IPO11: variants seen among roughly 807,000 people sequenced by gnomAD.
IPO11 encodes the protein importin 11.
A neutral mutation model predicts 143.2 loss-of-function variants in IPO11; 66 were observed. The observed-to-expected ratio is 0.46, with a 90% CI of 0.38 to 0.57. The LOEUF is 0.57. Ranked by LOEUF, IPO11 falls within the 20% of genes least tolerant of loss-of-function variation. The probability of loss-of-function intolerance (pLI) is 0.00; values close to 1 mark genes in which losing one functional copy is unlikely to be tolerated. For missense variants in IPO11, 1,026 were observed against 1,141.0 expected (o/e 0.90, Z 1.45); for synonymous variants, 385 against 377.8 (o/e 1.02, Z -0.22).
chr5:62,437,563 A>C (rs1744285760), intron 2 of IPO11, 146 bp downstream of exon 2: 1 of 606,522 alleles, frequency 1.6e-6, no homozygotes, highest in Non-Finnish European at 2.8e-6. Flanking sequence ...TTATTACTTT[A>C]TGACTTCTTA....
intron 1 of IPO11, among the ~76,000 whole-genome samples, chr5:62,430,680 A>AT (rs112091773): frequency 0.027 from 3,758 of 140,760 alleles, 87 homozygotes; most frequent in Middle Eastern, 0.098. Flanking sequence ...TAATTACTTA[A>AT]TTTTTTTTTT....
chr5:62,510,132 C>G (rs1020484092), intron 19 of IPO11, among the ~76,000 whole-genome samples: 1 of 152,126 alleles, frequency 6.6e-6, no homozygotes, highest in East Asian at 1.9e-4. Flanking sequence ...TGGTTTTTGA[C>G]TTGCATTTCC....
chr5:62,532,730 T>C (rs1742600902), intron 22 of IPO11, among the ~76,000 whole-genome samples: 1 of 152,220 alleles, frequency 6.6e-6, no homozygotes, highest in South Asian at 2.1e-4. Context: ...AGGACTTTTA[T>C]GTGTTTGGAA....
At chr5:62,460,626 T>G (rs1283230659) in intron 5 of IPO11, among the ~76,000 whole-genome samples, 1 of 152,202 alleles carries the variant, frequency 6.6e-6, no homozygotes, top group African/African-American at 2.4e-5. Flanking sequence ...CTTTTGATAC[T>G]TTGGAGTCAA....
chr5:62,425,930 A>G (rs1219734757), intron 1 of IPO11, among the ~76,000 whole-genome samples: 2 of 152,234 alleles, frequency 1.3e-5, no homozygotes, highest in East Asian at 3.8e-4. Context: ...TAGTAAGAAC[A>G]TTAAGTACCT....
chr5:62,413,020 GC>G (rs1743171592), intron 1 of IPO11, 91 bp downstream of exon 1: 1 of 152,500 alleles, frequency 6.6e-6, no homozygotes, highest in South Asian at 2.1e-4. Context: ...GGAAAGTGGG[GC>G]TACCAGGAGA....
chr5:62,556,088 A>C (rs1743566850), intron 26 of IPO11, among the ~76,000 whole-genome samples: 1 of 152,162 alleles, frequency 6.6e-6, no homozygotes, highest in Admixed American at 6.5e-5. Context: ...TAACATTGAT[A>C]TTTTTCTTTG....
Position 62,627,556 on chromosome 5 carries a change from A to G in IPO11, c.*238A>G. 2.8e-6 allele frequency: 1 copy of G among 357,784 alleles called. No individual in the cohort carries two copies. The highest frequency in any genetic ancestry group is 4.5e-5 in the East Asian group (1 of 22,276). The allele number at this position is 357,784 out of a possible 1,614,324, so 22.2% of individuals were successfully genotyped here. On this transcript the variant is annotated 3_prime_UTR_variant, in exon 30 of 30. Transcript: ENST00000325324. ...ATGAGGGGGCCCTTCACTAAAAAGT[A>G]CATGTAAAAGTACATTTGATGACAA...
At chr5:62,605,161 C>T (rs1235577813) in intron 29 of IPO11, among the ~76,000 whole-genome samples, 1 of 152,148 alleles carries the variant, frequency 6.6e-6, no homozygotes, top group East Asian at 1.9e-4. Flanking sequence ...GTTCCAAGGT[C>T]ACATAAATGA....
intron 16 of IPO11, among the ~76,000 whole-genome samples, chr5:62,499,569 C>CGTTTTTTTTTTTTTTTTTTTT (rs773008330): frequency 1.0e-5 from 1 of 100,104 alleles, no homozygotes; most frequent in African/African-American, 3.8e-5. Context: ...CTTACTCTAA[C>CGTTTTTTTTTTTTTTTTTTTT]TTTTTTTTTT....
chr5:62,513,618 C>T (rs554460525), intron 19 of IPO11, among the ~76,000 whole-genome samples: 56 of 146,018 alleles, frequency 3.8e-4, no homozygotes, highest in African/African-American at 1.4e-3. Flanking sequence ...GGACTCCTCA[C>T]TTCCCAGTAG....
chr5:62,576,507 T>C (rs1367828269), intron 27 of IPO11, among the ~76,000 whole-genome samples: 1 of 152,188 alleles, frequency 6.6e-6, no homozygotes, highest in South Asian at 2.1e-4. Context: ...TAAATACATA[T>C]AGGCTGGACG....
At chr5:62,492,216 T>C (rs1746639779) in intron 15 of IPO11, among the ~76,000 whole-genome samples, 1 of 152,216 alleles carries the variant, frequency 6.6e-6, no homozygotes, top group African/African-American at 2.4e-5. Flanking sequence ...CTGAGTTTCA[T>C]ATTCTTTATC....
chr5:62,569,371 T>C (rs779181568), intron 27 of IPO11, among the ~76,000 whole-genome samples: 2 of 152,220 alleles, frequency 1.3e-5, no homozygotes, highest in Non-Finnish European at 2.9e-5. Flanking sequence ...TTAGCTCTTG[T>C]GAAGGTATTT....
rs1382184055 is a variant in IPO11 at position 62,485,790 on chromosome 5, C to T, written c.1218+328C>T. Among the ~76,000 whole-genome samples the T allele has an allele frequency of 2.0e-5, 3 of 150,912 alleles. No individual in the cohort carries two copies. In the East Asian group the frequency reaches 5.9e-4, roughly 29 times the overall value. ...GTTTGAGCCCAGGAGGTTGAGGCTG[C>T]CGTGTGCCATGATGATGCCACTGCG... On this transcript the variant is annotated intron_variant, in intron 12 of 29. Transcript: ENST00000325324.
At chr5:62,417,347 T>TG (rs1743334411) in intron 1 of IPO11, among the ~76,000 whole-genome samples, 2 of 144,146 alleles carry the variant, frequency 1.4e-5, no homozygotes, top group African/African-American at 5.2e-5. Context: ...TTTTTTTTTT[T>TG]GGTATTTTGA....
chr5:62,584,399 A>G (rs535720093), intron 27 of IPO11, among the ~76,000 whole-genome samples: 48 of 152,174 alleles, frequency 3.2e-4, no homozygotes, highest in African/African-American at 1.1e-3. Context: ...GGAATTCGAG[A>G]CCAGCCTGGG....
intron 27 of IPO11, among the ~76,000 whole-genome samples, chr5:62,587,980 C>G (rs940428704): frequency 1.1e-4 from 17 of 152,172 alleles, no homozygotes; most frequent in African/African-American, 4.1e-4. Flanking sequence ...TCTGTGTGTT[C>G]TCTAGCAATT....
chr5:62,448,151 A>G (rs1744785645), intron 3 of IPO11, among the ~76,000 whole-genome samples: 1 of 151,950 alleles, frequency 6.6e-6, no homozygotes, highest in African/African-American at 2.4e-5. Flanking sequence ...AACTGCAGAT[A>G]GTCCTGAGTC....
Sources: allele counts gnomAD v4.1 joint callset (sites outside exome capture counted in the v4.1 genomes callset), GRCh38; gene constraint gnomAD v4.1.1; transcripts MANE v1.5; gene names NCBI Gene and HGNC (gene_info 2026-07-23, HGNC 2026-07-21).